CPT2: variants seen among roughly 807,000 people sequenced by gnomAD.
CPT2 encodes the protein carnitine palmitoyltransferase 2.
In CPT2, 37 loss-of-function variants were observed where a neutral mutation model predicts 48.6. The ratio of observed to expected loss-of-function variants is 0.76; its 90% confidence interval spans 0.59 to 1.00. The LOEUF (loss-of-function observed/expected upper bound fraction) is 1.00, where lower values mean the gene tolerates loss of function less well. Ranked by LOEUF, CPT2 falls within the 50% of genes least tolerant of loss-of-function variation. The pLI, the probability that CPT2 is intolerant of heterozygous loss-of-function variation, is 0.00. For synonymous variants in CPT2, 319 were observed against 326.9 expected, an observed-to-expected ratio of 0.98 and a Z score of 0.26; for missense variants, 772 against 825.6, an observed-to-expected ratio of 0.94 and a Z score of 0.80.
rs186719971 is a variant in CPT2, at chr1:53,200,074, T to C, written c.153-645T>C. On this transcript the variant is annotated intron_variant, in intron 1 of 4. Transcript: ENST00000371486. ...CAATAAGCCAGTAACTTCATCACCA[T>C]AGCCATCTTTGGGAATCACTAGTAG... The C allele has an allele frequency of 5.9e-5, 9 of 152,518 alleles. No individual in the cohort carries two copies. The East Asian group carries it at 1.7e-3, about 29-fold the overall frequency. The allele number at this position is 152,518 out of a possible 1,614,324, so 9.4% of individuals were successfully genotyped here.
Position 53,210,153 on chromosome 1 carries a change from TC to T in CPT2, c.481del (p.Arg161GlyfsTer3). On this transcript the variant is annotated frameshift_variant, in exon 4 of 5. Coordinates refer to ENST00000371486, the MANE Select transcript of CPT2 (RefSeq NM_000098.3). LOFTEE classifies it high-confidence loss of function. ...GCAACCAACATGACTGTTTCTGCCA[TC>T]CGGTTTCTGAAGACACTCCGGGCTG... ...TRATNMTVSA[I>X]RFLKTLRAGL... 1 of 1,614,176 alleles carries T rather than the reference TC, an allele frequency of 6.2e-7. No homozygotes were observed. Among genetic ancestry groups the T allele is most frequent in the East Asian group, 2.2e-5 (1 of 44,882 alleles).
chr1:53,213,525 T>C lies in CPT2; in HGVS notation c.1907T>C (p.Phe636Ser). 6.2e-7 allele frequency: 1 copy of C among 1,614,246 alleles called. No individual in the cohort carries two copies. The highest frequency in any genetic ancestry group is 8.5e-7 in the Non-Finnish European group (1 of 1,180,046). ...TACCCAGGCCGCAATGCCCGGGAGT[T>C]TCTCCAATGTGTGGAGAAGGCCTTA... ...SSYPGRNAREFLQCVEKALED... is the reference protein window; with the variant it reads ...SSYPGRNARESLQCVEKALED... The change falls in exon 5 of 5, where the codon TTT becomes TCT. Residue 636 changes from phenylalanine to serine, a missense_variant. By Grantham distance (155) the Phe-to-Ser change is radical. Coordinates refer to ENST00000371486, the MANE Select transcript of CPT2 (RefSeq NM_000098.3).
In CPT2 at chr1:53,211,330, G is replaced by T; in HGVS notation, c.1645+11G>T. Reference sequence around the variant, plus strand: ...AAGAAGCAGCAATGGGTGAGGCAGGGGTGGGGAGCATGCCCTTGGGTCTTG... The same window carrying T: ...AAGAAGCAGCAATGGGTGAGGCAGGTGTGGGGAGCATGCCCTTGGGTCTTG... On this transcript the variant is annotated intron_variant, in intron 4 of 4. Transcript: ENST00000371486. The T allele has an allele frequency of 1.3e-6, 2 of 1,588,438 alleles. No homozygotes were observed. Among genetic ancestry groups the T allele is most frequent in the Non-Finnish European group, 1.7e-6 (2 of 1,168,082 alleles).
intron 3 of CPT2, among the ~76,000 whole-genome samples, chr1:53,206,383 G>A (rs1645389795): frequency 6.6e-6 from 1 of 152,334 alleles, no homozygotes; most frequent in Admixed American, 6.5e-5. Context: ...ACTGTGAGAA[G>A]AGGGCCACTG....
At position 53,196,858 on chromosome 1, in the gene CPT2, T is replaced by C; in HGVS notation, c.-86T>C. The C allele has an allele frequency of 6.7e-7, 1 of 1,497,096 alleles. No homozygotes were observed. The highest frequency in any genetic ancestry group is 8.9e-7 in the Non-Finnish European group (1 of 1,118,654). 92.7% of individuals were successfully genotyped at this position (1,497,096 alleles called of 1,614,324 possible). On this transcript the variant is annotated 5_prime_UTR_variant, in exon 1 of 5. Coordinates refer to ENST00000371486, the MANE Select transcript of CPT2 (RefSeq NM_000098.3). ...CCTCAGGAGTCCTGACGCAGTGTCT[T>C]GGGCGCTAACGGCGGCGGCGGCCTT...
At chr1:53,212,750 C>T (rs1303837262) in intron 4 of CPT2, 1 of 409,222 alleles carries the variant, frequency 2.4e-6, no homozygotes, top group Admixed American at 4.1e-5. Flanking sequence ...ACCTCCAAGA[C>T]ATTCTAATCT....
intron 3 of CPT2, chr1:53,202,846 C>CT (rs1377807682): frequency 4.5e-6 from 1 of 221,080 alleles, no homozygotes; most frequent in East Asian, 1.0e-4. Flanking sequence ...GTCTTTCATT[C>CT]TTTTGTGCCT....
intron 3 of CPT2, among the ~76,000 whole-genome samples, chr1:53,205,787 C>T (rs1645383789): frequency 6.6e-6 from 1 of 152,230 alleles, no homozygotes; most frequent in Non-Finnish European, 1.5e-5. Flanking sequence ...GGGGCCAAGG[C>T]ACAGCTCTGG....
chr1:53,213,889 G>A lies in CPT2; in HGVS notation c.*294G>A. On this transcript the variant is annotated 3_prime_UTR_variant, in exon 5 of 5. Transcript: ENST00000371486. ...TGCAGTGAGCTGAGATCACACCACT[G>A]CACTCCGGCCTGGGCGACAGAGCGA... 2.5e-6 allele frequency: 1 copy of A among 398,784 alleles called. No individual in the cohort carries two copies. Among genetic ancestry groups the A allele is most frequent in the Non-Finnish European group, 4.7e-6 (1 of 211,174 alleles). 24.7% of individuals were successfully genotyped at this position (398,784 alleles called of 1,614,324 possible).
Position 53,197,098 on chromosome 1 carries a change from G to A in CPT2, c.152+3G>A, listed in dbSNP as rs886046407. On this transcript the variant is annotated splice_donor_region_variant and intron_variant, in intron 1 of 4. Coordinates refer to ENST00000371486, the MANE Select transcript of CPT2 (RefSeq NM_000098.3). ...CACTACCAGGACAGCCTGCCCAGGT[G>A]AGCCTGGCCTCCGGGTCCCCGCCGC... 2.0e-6 allele frequency: 3 copies of A among 1,537,952 alleles called. No individual in the cohort carries two copies. Among genetic ancestry groups the A allele is most frequent in the African/African-American group, 2.7e-5 (2 of 73,000 alleles).
Position 53,210,498 on chromosome 1 carries a change from A to T in CPT2, c.824A>T (p.Tyr275Phe). ...TCGGAAATCCAGGCACATCTGAAGT[A>T]CATTCTCTCAGACAGCAGCCCCGCC... ...SPSEIQAHLK[Y>F]ILSDSSPAPE... Residue 275 changes from tyrosine to phenylalanine, a missense_variant, in exon 4 of 5, where the codon TAC becomes TTC. By Grantham distance (22) the Tyr-to-Phe change is conservative. Transcript: ENST00000371486. The T allele has an allele frequency of 6.2e-7, 1 of 1,614,136 alleles. No homozygotes were observed. Among genetic ancestry groups the T allele is most frequent in the Non-Finnish European group, 8.5e-7 (1 of 1,180,040 alleles).
At chr1:53,199,031 G>C (rs1374491182) in intron 1 of CPT2, among the ~76,000 whole-genome samples, 2 of 152,122 alleles carry the variant, frequency 1.3e-5, no homozygotes, top group Non-Finnish European at 2.9e-5. Flanking sequence ...GCTATAATTT[G>C]GGGCAATTCT....
chr1:53,214,018 G>C lies in CPT2; in HGVS notation c.*423G>C. On this transcript the variant is annotated 3_prime_UTR_variant, in exon 5 of 5. Coordinates refer to ENST00000371486, the MANE Select transcript of CPT2 (RefSeq NM_000098.3). ...TAAGCTGCCTAGGCAGCCAGCTACA[G>C]GCTTGAGCTTTAAATTCATGGTTTT... is the stretch of plus-strand genomic sequence containing the variant. 9.9e-6 allele frequency: 2 copies of C among 202,554 alleles called. No individual in the cohort carries two copies. The highest frequency in any genetic ancestry group is 2.0e-5 in the Non-Finnish European group (2 of 98,266). The allele number at this position is 202,554 out of a possible 1,614,324, so 12.5% of individuals were successfully genotyped here.
chr1:53,209,991 TA>T (rs1645410841), intron 3 of CPT2, 23 bp from the exon 4 acceptor site: 1 of 1,592,012 alleles, frequency 6.3e-7, no homozygotes, highest in Non-Finnish European at 8.6e-7. Flanking sequence ...CATTTTATGT[TA>T]TTTTTTTCTT....
Position 53,209,547 on chromosome 1 carries a change from G to A in CPT2, c.341-468G>A, listed in dbSNP as rs141809498. 1,086 of 192,042 alleles carry A rather than the reference G, an allele frequency of 5.7e-3. 12 individuals carry two copies. The highest frequency in any genetic ancestry group is 0.025 in the African/African-American group (1,033 of 41,932). 11.9% of individuals were successfully genotyped at this position (192,042 alleles called of 1,614,324 possible). Reference sequence around the variant, plus strand: ...AAAAACATTATTAGGAGGCCGAGGCGGGTGGATCACCTGAGGTCAGGAGTT... The same window carrying A: ...AAAAACATTATTAGGAGGCCGAGGCAGGTGGATCACCTGAGGTCAGGAGTT... On this transcript the variant is annotated intron_variant, in intron 3 of 4. Transcript: ENST00000371486.
At chr1:53,204,978 A>G (rs1432416927) in intron 3 of CPT2, among the ~76,000 whole-genome samples, 1 of 152,190 alleles carries the variant, frequency 6.6e-6, no homozygotes, top group African/African-American at 2.4e-5. Flanking sequence ...GGTTCTTTAT[A>G]GCAGTGTGAA....
chr1:53,200,903 C>T (rs531231732), intron 2 of CPT2, 104 bp downstream of exon 2: 18 of 886,108 alleles, frequency 2.0e-5, no homozygotes, highest in South Asian at 2.6e-5. Context: ...GTGGCTGGGT[C>T]TCCAGGAACC....
At chr1:53,209,963 T>A (rs1645410737) in intron 3 of CPT2, 52 bp from the exon 4 acceptor site, 2 of 1,503,360 alleles carry the variant, frequency 1.3e-6, no homozygotes, top group Non-Finnish European at 1.8e-6. Context: ...CAAATTTTAT[T>A]TTTAGGGACA....
chr1:53,206,880 A>T (rs759712579), intron 3 of CPT2, among the ~76,000 whole-genome samples: 10 of 152,230 alleles, frequency 6.6e-5, no homozygotes, highest in Non-Finnish European at 1.3e-4. Context: ...GTGTTTTGAA[A>T]TGTTAGAAGT....
Sources: gnomAD v4.1 joint callset for allele counts (sites outside exome capture counted in the v4.1 genomes callset) on GRCh38, gnomAD v4.1.1 for gene constraint, MANE v1.5 for transcripts, NCBI Gene and HGNC (gene_info 2026-07-23, HGNC 2026-07-21) for gene names.